The following FLCN variants were observed in gnomAD, a reference collection of about 807,000 sequenced individuals.
FLCN encodes the protein BHD skin lesion fibrofolliculoma protein.
FLCN carries 22 observed loss-of-function variants against 62.5 expected under a neutral mutation model. That is an observed-to-expected ratio of 0.35 (90% confidence interval 0.25 to 0.50). The LOEUF is 0.50. Ranked by LOEUF, FLCN falls within the 20% of genes least tolerant of loss-of-function variation. FLCN has a pLI of 0.97. For missense variants in FLCN, 657 were observed against 778.0 expected (o/e 0.84, Z 1.85); for synonymous variants, 319 against 310.0 (o/e 1.03, Z -0.30).
rs1223867814 is a variant in FLCN, at chr17:17,216,512, G to A, written c.1177-9C>T. The A allele has an allele frequency of 1.9e-6, 3 of 1,613,662 alleles. No individual in the cohort carries two copies. The highest frequency in any genetic ancestry group is 4.5e-5 in the East Asian group (2 of 44,872). On this transcript the variant is annotated splice_polypyrimidine_tract_variant and intron_variant, in intron 10 of 13. Transcript: ENST00000285071. This position sits in a 1 kb window ranked among gnomAD's most constrained non-coding sequence, Gnocchi z 4.0. ...CCCACGGGAAGCATGGTCTGAGGAG[G>A]ACAGCAGGACTCAGACCAAGGACAC... is the stretch of plus-strand genomic sequence containing the variant.
chr17:17,217,880 T>C (rs1026541257), intron 9 of FLCN, among the ~76,000 whole-genome samples: 41 of 152,250 alleles, frequency 2.7e-4, no homozygotes, highest in African/African-American at 9.6e-4. Context: ...CACAATACTA[T>C]GTCTCACCAA....
At chr17:17,215,435 A>G in intron 11 of FLCN, 119 bp from the exon 12 acceptor site, 1 of 1,482,762 alleles carries the variant, frequency 6.7e-7, no homozygotes, top group Non-Finnish European at 9.3e-7. Context: ...CTGCTGGTGA[A>G]AAGACTGGCC....
At chr17:17,219,432 T>G (rs758625660) in intron 8 of FLCN, 2 of 567,556 alleles carry the variant, frequency 3.5e-6, no homozygotes, top group African/African-American at 3.8e-5. Flanking sequence ...GAAGCACTTA[T>G]GGAAAGACCG....
intron 3 of FLCN, chr17:17,228,584 AGG>A (rs200365194): frequency 0.038 from 7,971 of 211,026 alleles, 366 homozygotes; most frequent in South Asian, 0.15. Flanking sequence ...ATGTGGGCCA[AGG>A]TGCTAGGCAA....
chr17:17,217,042 G>A (rs201599827), intron 10 of FLCN, 27 bp downstream of exon 10: 88 of 1,528,754 alleles, frequency 5.8e-5, no homozygotes, highest in African/African-American at 2.6e-4. Context: ...GCCCTGCGCC[G>A]CACACCTAAG....
Position 17,216,329 on chromosome 17 carries a change from G to T in FLCN, c.1300+51C>A. ...TCTGGTTCCACTTTGGGCCTGAGGCGTGGGGAACCTCAGCGCAGGGCATGG... is the reference window on the plus strand; with the variant it reads ...TCTGGTTCCACTTTGGGCCTGAGGCTTGGGGAACCTCAGCGCAGGGCATGG... On this transcript the variant is annotated intron_variant, in intron 11 of 13. Coordinates refer to ENST00000285071, the MANE Select transcript of FLCN (RefSeq NM_144997.7). The surrounding 1 kb of genome is among the most constrained non-coding windows in gnomAD (Gnocchi z 4.0). 6 of 1,609,072 alleles carry T rather than the reference G, an allele frequency of 3.7e-6. No homozygotes were observed. The highest frequency in any genetic ancestry group is 5.1e-6 in the Non-Finnish European group (6 of 1,177,538).
chr17:17,232,768 T>A lies in FLCN; in HGVS notation c.-114+20A>T, dbSNP rs1157945544. Reference sequence around the variant, plus strand: ...AGCCTGGGCCAAGTCTCAGCCCACCTGCAGAGCACCCACACTAACCTGACA... The same window carrying A: ...AGCCTGGGCCAAGTCTCAGCCCACCAGCAGAGCACCCACACTAACCTGACA... On this transcript the variant is annotated intron_variant, in intron 2 of 13. Transcript: ENST00000285071. The A allele has an allele frequency of 6.5e-6, 1 of 152,698 alleles. No homozygotes were observed. Among genetic ancestry groups the A allele is most frequent in the Non-Finnish European group, 1.5e-5 (1 of 68,182 alleles). The allele number at this position is 152,698 out of a possible 1,614,324, so 9.5% of individuals were successfully genotyped here.
At position 17,213,987 on chromosome 17, in the gene FLCN, CT is replaced by C. The variant is rs2046828917; in HGVS notation, c.1539-132del. ...TGCAGGCAGAGCTGGAATCCACACC[CT>C]TGGGGCAGCAGGCTTGGCCCCTGAA... On this transcript the variant is annotated intron_variant, in intron 13 of 13. Transcript: ENST00000285071. 2.2e-5 allele frequency: 22 copies of C among 980,130 alleles called. No individual in the cohort carries two copies. In the South Asian group the frequency reaches 2.8e-4, roughly 12 times the overall value. The allele number at this position is 980,130 out of a possible 1,614,324, so 60.7% of individuals were successfully genotyped here. A position where few individuals can be genotyped will look rare whatever the true frequency, so the allele number is the denominator to read the frequency against.
In FLCN at chr17:17,213,168, C is replaced by G. The variant is rs1265476834; in HGVS notation, c.*487G>C. On this transcript the variant is annotated 3_prime_UTR_variant, in exon 14 of 14. Transcript: ENST00000285071. Reference sequence around the variant, plus strand: ...AGCCCTAACTCAATCACTCAGTGACCAAGAGCTGGCAATGTACTGAATATT... The same window carrying G: ...AGCCCTAACTCAATCACTCAGTGACGAAGAGCTGGCAATGTACTGAATATT... 6 of 334,204 alleles carry G rather than the reference C, an allele frequency of 1.8e-5. No homozygotes were observed. In the East Asian group the frequency reaches 2.8e-4, roughly 15 times the overall value. 20.7% of individuals were successfully genotyped at this position (334,204 alleles called of 1,614,324 possible).
intron 4 of FLCN, among the ~76,000 whole-genome samples, chr17:17,226,884 G>A (rs1436512680): frequency 1.3e-5 from 2 of 152,174 alleles, no homozygotes; most frequent in African/African-American, 2.4e-5. Flanking sequence ...CAGCCACTCC[G>A]ATGCTGAGGC....
At chr17:17,223,854 C>G (rs1809620831) in intron 6 of FLCN, 68 bp downstream of exon 6, 1 of 1,549,432 alleles carries the variant, frequency 6.5e-7, no homozygotes, top group Admixed American at 1.7e-5. Context: ...CAGGCCTCAA[C>G]CTCAGCACAG....
intron 5 of FLCN, 75 bp downstream of exon 5, chr17:17,226,101 G>A (rs1002649322): frequency 1.9e-6 from 3 of 1,597,518 alleles, no homozygotes; most frequent in Non-Finnish European, 2.6e-6. Flanking sequence ...GTGCAATGCT[G>A]GCTCCGAGCC....
Position 17,219,061 on chromosome 17 carries a change from G to T in FLCN, c.1020C>A (p.Pro340=), listed in dbSNP as rs2047008561. ...SSLSGCGSWQ[P]RKLPVFKSLR... The stretch of plus-strand genomic sequence containing the variant: ...GGGACTTGAAGACTGGCAGCTTCCG[G>T]GGCTGCCAGCTCCCACAGCCTGAGA... Residue 340 remains proline, a synonymous_variant, in exon 9 of 14, where the codon CCC becomes CCA. Transcript: ENST00000285071. The T allele has an allele frequency of 2.5e-6, 4 of 1,613,874 alleles. No homozygotes were observed. Among genetic ancestry groups the T allele is most frequent in the Non-Finnish European group, 3.4e-6 (4 of 1,179,950 alleles).
intron 4 of FLCN, among the ~76,000 whole-genome samples, chr17:17,227,410 GTGGGT>G (rs1387548050): frequency 1.3e-5 from 2 of 152,138 alleles, no homozygotes; most frequent in African/African-American, 4.8e-5. Flanking sequence ...GGGAGGCAGA[GTGGGT>G]TAAAGAAGTT....
intron 1 of FLCN, among the ~76,000 whole-genome samples, chr17:17,233,131 C>G (rs995908624): frequency 6.6e-6 from 1 of 152,044 alleles, no homozygotes; most frequent in African/African-American, 2.4e-5. Context: ...AGTATTTGAT[C>G]AAGGATCTCT....
Position 17,213,618 on chromosome 17 carries a change from C to G in FLCN, c.*37G>C. On this transcript the variant is annotated 3_prime_UTR_variant, in exon 14 of 14. Transcript: ENST00000285071. ...TCACGGGGCTGGAGGATCCTGTGGA[C>G]AGCCATCCCTGTCTTTAGGCAGGTG... The G allele has an allele frequency of 6.2e-7, 1 of 1,613,490 alleles. No homozygotes were observed. Among genetic ancestry groups the G allele is most frequent in the African/African-American group, 1.3e-5 (1 of 75,044 alleles).
intron 9 of FLCN, 117 bp downstream of exon 9, chr17:17,218,902 A>G: frequency 1.7e-6 from 2 of 1,198,216 alleles, no homozygotes; most frequent in South Asian, 2.7e-5. Flanking sequence ...GGAGGCTGTC[A>G]GTCACTTCCT....
intron 9 of FLCN, chr17:17,217,780 T>C (rs1414095898): frequency 5.5e-6 from 1 of 182,932 alleles, no homozygotes; most frequent in African/African-American, 2.4e-5. Flanking sequence ...TTAACTTCCA[T>C]GACATTGACA....
intron 5 of FLCN, chr17:17,225,574 T>C (rs1015286577): frequency 1.9e-5 from 3 of 157,864 alleles, no homozygotes; most frequent in African/African-American, 7.2e-5. Flanking sequence ...TAGCCGGGCA[T>C]GGTGGCACAC....
Sources: gnomAD v4.1 joint callset for allele counts (sites outside exome capture counted in the v4.1 genomes callset) on GRCh38, gnomAD v4.1.1 for gene constraint, Gnocchi (gnomAD v3.1) non-coding constraint, MANE v1.5 for transcripts, NCBI Gene and HGNC (gene_info 2026-07-23, HGNC 2026-07-21) for gene names.